Variants in TOP1 observed in about 807,000 individuals in gnomAD.
The protein encoded by TOP1 is DNA topoisomerase 1.
TOP1 carries 10 observed loss-of-function variants against 111.1 expected under a neutral mutation model. The ratio of observed to expected loss-of-function variants is 0.09; its 90% CI spans 0.06 to 0.15. TOP1 has a LOEUF of 0.15. Ranked by LOEUF, TOP1 falls within the 10% of genes least tolerant of loss-of-function variation. TOP1 has a pLI of 1.00. For missense variants in TOP1, 474 were observed against 926.7 expected, an observed-to-expected ratio of 0.51 and a Z score of 6.34; for synonymous variants, 271 against 302.9, an observed-to-expected ratio of 0.89 and a Z score of 1.10.
At chr20:41,065,046 G>T (rs983795205) in intron 3 of TOP1, among the ~76,000 whole-genome samples, 1 of 151,940 alleles carries the variant, frequency 6.6e-6, no homozygotes, top group African/African-American at 2.4e-5. Context: ...CTGGGATTAA[G>T]GTGCGTGCCC....
intron 13 of TOP1, among the ~76,000 whole-genome samples, chr20:41,108,944 C>G (rs1310786635): frequency 2.0e-5 from 3 of 152,194 alleles, no homozygotes; most frequent in Admixed American, 1.3e-4. Flanking sequence ...TTCAAACCAG[C>G]CTTAACCTTA....
At chr20:41,040,789 G>A (rs1374389095) in intron 2 of TOP1, among the ~76,000 whole-genome samples, 1 of 134,428 alleles carries the variant, frequency 7.4e-6, no homozygotes, top group East Asian at 2.3e-4. Flanking sequence ...CTGGGAGACA[G>A]CGAGGCATCG....
At chr20:41,089,567 T>C (rs1433380826) in intron 8 of TOP1, among the ~76,000 whole-genome samples, 1 of 152,256 alleles carries the variant, frequency 6.6e-6, no homozygotes, top group Non-Finnish European at 1.5e-5. Context: ...TTGATGGACA[T>C]GGGTTATTTC....
chr20:41,077,494 C>A, intron 4 of TOP1, 88 bp from the exon 5 acceptor site: 1 of 1,056,020 alleles, frequency 9.5e-7, no homozygotes, highest in Non-Finnish European at 1.5e-6. Flanking sequence ...TCATGATGTC[C>A]CAGGAACTGA....
chr20:41,103,176 A>T (rs1290545908), intron 13 of TOP1, among the ~76,000 whole-genome samples: 1 of 152,234 alleles, frequency 6.6e-6, no homozygotes, highest in African/African-American at 2.4e-5. Flanking sequence ...CAGAGTTACT[A>T]TTAAAAACAT....
rs377244590 is a variant in TOP1 at position 41,114,165 on chromosome 20, T to C, written c.1638+10T>C. On this transcript the variant is annotated intron_variant, in intron 15 of 20. Coordinates refer to ENST00000361337, the MANE Select transcript of TOP1 (RefSeq NM_003286.4). This position sits in a 1 kb window ranked among gnomAD's most constrained non-coding sequence, Gnocchi z 4.5. ...CCCTGTTGAGAAACGAGTAAGTTAATGTACCTGTACTGTCTGACTTGTTTT... is the reference window on the plus strand; with the variant it reads ...CCCTGTTGAGAAACGAGTAAGTTAACGTACCTGTACTGTCTGACTTGTTTT... 6.5e-5 allele frequency: 105 copies of C among 1,604,934 alleles called. 4 individuals are homozygous for C. The African/African-American group carries it at 8.3e-4, about 13-fold the overall frequency.
intron 8 of TOP1, among the ~76,000 whole-genome samples, chr20:41,090,441 A>G (rs1208121125): frequency 6.6e-6 from 1 of 152,062 alleles, no homozygotes; most frequent in Non-Finnish European, 1.5e-5. Context: ...CTATTCTGTG[A>G]GTTGTCTTTC....
At chr20:41,072,838 T>C in intron 3 of TOP1, 1 of 985,432 alleles carries the variant, frequency 1.0e-6, no homozygotes, top group Non-Finnish European at 1.2e-6. Context: ...TCCTTAACCC[T>C]CAATCATCTG....
chr20:41,105,159 A>T (rs1220967496), intron 13 of TOP1, among the ~76,000 whole-genome samples: 2 of 152,090 alleles, frequency 1.3e-5, no homozygotes, highest in Admixed American at 6.6e-5. Context: ...ATTCTCATAC[A>T]TATTTTTTGT....
At chr20:41,104,567 A>G (rs2034115935) in intron 13 of TOP1, among the ~76,000 whole-genome samples, 1 of 152,228 alleles carries the variant, frequency 6.6e-6, no homozygotes, top group Non-Finnish European at 1.5e-5. Context: ...ATTCCAGACA[A>G]TATCCAGCTA....
chr20:41,108,739 T>G (rs1413892089), intron 13 of TOP1, among the ~76,000 whole-genome samples: 2 of 152,220 alleles, frequency 1.3e-5, no homozygotes, highest in Admixed American at 1.3e-4. Context: ...ACAGCTAGCC[T>G]TCTGGAACCT....
chr20:41,093,869 C>T (rs1400578563), intron 9 of TOP1, among the ~76,000 whole-genome samples: 4 of 152,224 alleles, frequency 2.6e-5, no homozygotes, highest in Non-Finnish European at 5.9e-5. Flanking sequence ...CCAAACTTGG[C>T]AAGCTGAAAT....
Position 41,122,222 on chromosome 20 carries a change from A to G in TOP1, c.2195+67A>G. On this transcript the variant is annotated intron_variant, in intron 20 of 20. Coordinates refer to ENST00000361337, the MANE Select transcript of TOP1 (RefSeq NM_003286.4). The surrounding 1 kb of genome is among the most constrained non-coding windows in gnomAD (Gnocchi z 5.4). The stretch of plus-strand genomic sequence containing the variant: ...GAAAGGTGGAGGGGGTTCCGAGAGC[A>G]CTGGTGGCCTTCACATGCCATTCCT... 6.5e-7 allele frequency: 1 copy of G among 1,544,560 alleles called. No homozygotes were observed. The highest frequency in any genetic ancestry group is 8.9e-7 in the Non-Finnish European group (1 of 1,126,932).
rs1255191549 is a variant in TOP1 at position 41,029,464 on chromosome 20, G to A, written c.58+9G>A. 1 of 1,540,788 alleles carries A rather than the reference G, an allele frequency of 6.5e-7. No individual in the cohort carries two copies. The highest frequency in any genetic ancestry group is 8.7e-7 in the Non-Finnish European group (1 of 1,145,454). ...GGATTTCCGATTGAATGGTGAGTGT[G>A]CCCCCTGCGCCGACTCCGGGGCCCC... On this transcript the variant is annotated intron_variant, in intron 2 of 20. Coordinates refer to ENST00000361337, the MANE Select transcript of TOP1 (RefSeq NM_003286.4). This position sits in a 1 kb window ranked among gnomAD's most constrained non-coding sequence, Gnocchi z 6.1.
At chr20:41,085,555 A>G (rs1242120084) in intron 8 of TOP1, among the ~76,000 whole-genome samples, 1 of 152,262 alleles carries the variant, frequency 6.6e-6, no homozygotes, top group Non-Finnish European at 1.5e-5. Flanking sequence ...TACCAGCAGT[A>G]CATGATTTTG....
chr20:41,055,999 T>C (rs1354386615), intron 2 of TOP1, among the ~76,000 whole-genome samples: 7 of 152,312 alleles, frequency 4.6e-5, no homozygotes, highest in Middle Eastern at 3.4e-3. Flanking sequence ...TAGAGAAATA[T>C]AATGAACTCC....
At chr20:41,049,943 T>C (rs1191870841) in intron 2 of TOP1, among the ~76,000 whole-genome samples, 1 of 152,212 alleles carries the variant, frequency 6.6e-6, no homozygotes, top group Non-Finnish European at 1.5e-5. Flanking sequence ...TTATATGCAA[T>C]ACACATTTAG....
Position 41,120,321 on chromosome 20 carries a change from T to C in TOP1, c.1951-1375T>C, listed in dbSNP as rs956477795. 2.0e-5 allele frequency among the ~76,000 whole-genome samples: 3 copies of C among 152,354 alleles called. No homozygotes were observed. The East Asian group carries it at 5.8e-4, about 29-fold the overall frequency. ...CATAGTAAAACATATTTAGTGATCC[T>C]CTCACAATGGTGGCCTCTGTTTCCA... is the stretch of plus-strand genomic sequence containing the variant. On this transcript the variant is annotated intron_variant, in intron 18 of 20. Transcript: ENST00000361337.
At chr20:41,065,445 G>A (rs537402689) in intron 3 of TOP1, among the ~76,000 whole-genome samples, 1 of 152,234 alleles carries the variant, frequency 6.6e-6, no homozygotes, top group Admixed American at 6.5e-5. Flanking sequence ...CTGTTTTAAA[G>A]TAGCATTTAG....
Sources: gnomAD v4.1 joint callset for allele counts (sites outside exome capture counted in the v4.1 genomes callset) on GRCh38, gnomAD v4.1.1 for gene constraint, Gnocchi (gnomAD v3.1) non-coding constraint, MANE v1.5 for transcripts, NCBI Gene and HGNC (gene_info 2026-07-23, HGNC 2026-07-21) for gene names.